WDR64: variants seen among roughly 807,000 people sequenced by gnomAD.
The protein encoded by WDR64 is WD repeat domain 64.
A neutral mutation model predicts 139.3 loss-of-function variants in WDR64; 112 were observed. The ratio of observed to expected loss-of-function variants is 0.80; its 90% confidence interval spans 0.69 to 0.94. WDR64 has a LOEUF of 0.94. Ranked by LOEUF, WDR64 falls within the 40% of genes least tolerant of loss-of-function variation. The pLI is 0.00. For synonymous variants in WDR64, 444 were observed against 437.7 expected (o/e 1.01, Z -0.18); for missense variants, 1,206 against 1,293.1 (o/e 0.93, Z 1.03).
chr1:241,795,683 C>T (rs1659343137), intron 26 of WDR64, among the ~76,000 whole-genome samples: 1 of 152,122 alleles, frequency 6.6e-6, no homozygotes, highest in Admixed American at 6.6e-5. Context: ...TCTAATACCT[C>T]TGAAACTGTG....
chr1:241,701,589 A>G (rs1161282371), intron 8 of WDR64, among the ~76,000 whole-genome samples: 1 of 152,176 alleles, frequency 6.6e-6, no homozygotes, highest in East Asian at 1.9e-4. Flanking sequence ...GCTTCCTGGA[A>G]TTTGGTTGGT....
At chr1:241,740,692 G>A (rs1051501152) in intron 11 of WDR64, among the ~76,000 whole-genome samples, 38 of 151,176 alleles carry the variant, frequency 2.5e-4, no homozygotes, top group African/African-American at 9.0e-4. Context: ...TTTTGAGAAG[G>A]AGTCTCGCTC....
chr1:241,711,953 AG>A, intron 9 of WDR64, 72 bp downstream of exon 9: 2 of 1,424,644 alleles, frequency 1.4e-6, no homozygotes, highest in Non-Finnish European at 2.0e-6. Context: ...TTTTGGTGCT[AG>A]GAAGAACACA....
chr1:241,708,409 AG>A (rs1383143524), intron 8 of WDR64, among the ~76,000 whole-genome samples: 1 of 152,156 alleles, frequency 6.6e-6, no homozygotes, highest in African/African-American at 2.4e-5. Flanking sequence ...TTCCCCTTCA[AG>A]GGTCCAGCAG....
At chr1:241,727,992 G>C (rs1668911085) in intron 10 of WDR64, among the ~76,000 whole-genome samples, 1 of 151,974 alleles carries the variant, frequency 6.6e-6, no homozygotes, top group Non-Finnish European at 1.5e-5. Flanking sequence ...AGGGGAACCA[G>C]CCCCGTGAAG....
At chr1:241,763,012 A>C (rs1657991446) in intron 15 of WDR64, among the ~76,000 whole-genome samples, 1 of 152,220 alleles carries the variant, frequency 6.6e-6, no homozygotes, top group African/African-American at 2.4e-5. Flanking sequence ...GTTATCATGT[A>C]ATATGCACAA....
intron 15 of WDR64, among the ~76,000 whole-genome samples, chr1:241,765,081 A>G (rs908280809): frequency 2.0e-5 from 3 of 151,122 alleles, no homozygotes; most frequent in Non-Finnish European, 4.4e-5. Context: ...CAGCTACTCC[A>G]GAGCCCAAGG....
chr1:241,711,774 T>C (rs768401250), intron 8 of WDR64, 28 bp from the exon 9 acceptor site: 6 of 1,606,060 alleles, frequency 3.7e-6, no homozygotes, highest in Admixed American at 1.7e-5. Flanking sequence ...AAAATATATA[T>C]GTTTTCCATC....
At chr1:241,778,575 T>G (rs1442250174) in intron 21 of WDR64, among the ~76,000 whole-genome samples, 1 of 152,224 alleles carries the variant, frequency 6.6e-6, no homozygotes, top group African/African-American at 2.4e-5. Flanking sequence ...TGGCTCTTTA[T>G]TCCTGTTTTT....
At position 241,726,445 on chromosome 1, in the gene WDR64, T is replaced by C. The variant is rs148253065; in HGVS notation, c.1194+3009T>C. ...GATAATGGTTGCACAACTATTTAAA[T>C]TGACTAAAACTCACAGAACCTTACA... On this transcript the variant is annotated intron_variant, in intron 10 of 27. Transcript: ENST00000437684. Among the ~76,000 whole-genome samples, 10 of 152,150 alleles carry C rather than the reference T, an allele frequency of 6.6e-5. No individual in the cohort carries two copies. In the East Asian group the frequency reaches 1.5e-3, roughly 24 times the overall value.
At chr1:241,697,060 A>G (rs1667521154) in intron 8 of WDR64, among the ~76,000 whole-genome samples, 1 of 152,102 alleles carries the variant, frequency 6.6e-6, no homozygotes, top group African/African-American at 2.4e-5. Flanking sequence ...ATAATATCTC[A>G]CCAGCATTTT....
At chr1:241,717,796 A>T (rs1338520774) in intron 9 of WDR64, among the ~76,000 whole-genome samples, 2 of 152,110 alleles carry the variant, frequency 1.3e-5, no homozygotes, top group African/African-American at 4.8e-5. Flanking sequence ...TGAACTCTCA[A>T]GAGCAGGGAT....
intron 10 of WDR64, among the ~76,000 whole-genome samples, chr1:241,735,020 C>T (rs79599517): frequency 0.16 from 23,931 of 152,004 alleles, 2,179 homozygotes; most frequent in East Asian, 0.28. Flanking sequence ...GGGAGTGCAA[C>T]GAAAGTTGTT....
intron 4 of WDR64, 133 bp from the exon 5 acceptor site, chr1:241,678,052 CAG>C: frequency 2.5e-6 from 1 of 396,018 alleles, no homozygotes; most frequent in Middle Eastern, 6.4e-4. Flanking sequence ...GAAGGAGAAA[CAG>C]GGAGGAGACT....
At chr1:241,725,492 C>T (rs1453321783) in intron 10 of WDR64, among the ~76,000 whole-genome samples, 2 of 151,640 alleles carry the variant, frequency 1.3e-5, no homozygotes, top group Non-Finnish European at 2.9e-5. Flanking sequence ...TGGAAGCAAT[C>T]GGGATCTCCA....
At chr1:241,714,814 G>C (rs1668340165) in intron 9 of WDR64, among the ~76,000 whole-genome samples, 1 of 152,146 alleles carries the variant, frequency 6.6e-6, no homozygotes, top group South Asian at 2.1e-4. Flanking sequence ...TGATTTTTCA[G>C]CAATCACTTA....
chr1:241,737,987 C>T (rs1574056749), intron 10 of WDR64, among the ~76,000 whole-genome samples: 1 of 152,152 alleles, frequency 6.6e-6, no homozygotes, highest in South Asian at 2.1e-4. Context: ...AATATGTCTT[C>T]TCCCTATTTT....
intron 4 of WDR64, among the ~76,000 whole-genome samples, chr1:241,675,818 G>T (rs1558466749): frequency 6.6e-6 from 1 of 152,126 alleles, no homozygotes; most frequent in Admixed American, 6.6e-5. Flanking sequence ...AACACTTTAT[G>T]AGCAATAAAT....
intron 22 of WDR64, 50 bp from the exon 23 acceptor site, chr1:241,783,222 T>C: frequency 6.7e-7 from 1 of 1,481,672 alleles, no homozygotes; most frequent in Non-Finnish European, 9.4e-7. Context: ...GATTACATTT[T>C]TACTAGCATA....
Sources: allele counts gnomAD v4.1 joint callset (sites outside exome capture counted in the v4.1 genomes callset), GRCh38; gene constraint gnomAD v4.1.1; transcripts MANE v1.5; gene names NCBI Gene and HGNC (gene_info 2026-07-23, HGNC 2026-07-21).